The following NALF1 variants were observed in gnomAD, a reference collection of about 807,000 sequenced individuals.
NALF1 encodes the protein NALCN channel auxiliary factor 1, also known as family with sequence similarity 155 member A.
NALF1 carries 3 observed loss-of-function variants against 48.4 expected under a neutral mutation model. That is an observed-to-expected ratio of 0.06 (90% CI 0.03 to 0.16). NALF1 has a LOEUF of 0.16. Ranked by LOEUF, NALF1 falls within the 10% of genes least tolerant of loss-of-function variation. The probability of loss-of-function intolerance (pLI) is 1.00; values close to 1 mark genes in which losing one functional copy is unlikely to be tolerated. For missense variants in NALF1, 526 were observed against 571.5 expected (o/e 0.92, Z 0.81); for synonymous variants, 262 against 245.7 (o/e 1.07, Z -0.62).
At chr13:107,508,741 A>G (rs1429984134) in intron 1 of NALF1, among the ~76,000 whole-genome samples, 1 of 152,120 alleles carries the variant, frequency 6.6e-6, no homozygotes, top group Non-Finnish European at 1.5e-5. Flanking sequence ...GCAACTACGC[A>G]CACGCCCCCA....
intron 1 of NALF1, among the ~76,000 whole-genome samples, chr13:107,268,060 C>T (rs1881079399): frequency 6.8e-6 from 1 of 146,392 alleles, no homozygotes; most frequent in African/African-American, 2.5e-5. Context: ...GATCTCGGCT[C>T]ACTGCAACCT....
chr13:107,488,765 T>G (rs1885369640), intron 1 of NALF1, among the ~76,000 whole-genome samples: 2 of 152,114 alleles, frequency 1.3e-5, no homozygotes, highest in Admixed American at 6.6e-5. Context: ...TACTGGAAGT[T>G]CTGGCCAGGG....
At chr13:107,383,398 G>A (rs373181288) in intron 1 of NALF1, among the ~76,000 whole-genome samples, 7 of 152,024 alleles carry the variant, frequency 4.6e-5, no homozygotes, top group Admixed American at 1.3e-4. Flanking sequence ...TTTTGGTGGC[G>A]TTCTCCTGAC....
At chr13:107,722,132 A>T (rs1018475678) in intron 1 of NALF1, among the ~76,000 whole-genome samples, 1 of 152,178 alleles carries the variant, frequency 6.6e-6, no homozygotes, top group Non-Finnish European at 1.5e-5. Context: ...GAGCAGGTTA[A>T]AAGTTCGGTA....
chr13:107,372,746 T>G (rs1238838603), intron 1 of NALF1, among the ~76,000 whole-genome samples: 1 of 152,190 alleles, frequency 6.6e-6, no homozygotes, highest in African/African-American at 2.4e-5. Context: ...ACCAATCTGT[T>G]ATCAAACATG....
intron 1 of NALF1, among the ~76,000 whole-genome samples, chr13:107,812,534 G>C (rs1232690681): frequency 6.6e-6 from 1 of 151,994 alleles, no homozygotes; most frequent in African/African-American, 2.4e-5. Context: ...TACAAAGTTT[G>C]TATCATAATA....
At chr13:107,366,564 T>C (rs1883155285) in intron 1 of NALF1, among the ~76,000 whole-genome samples, 1 of 152,190 alleles carries the variant, frequency 6.6e-6, no homozygotes, top group South Asian at 2.1e-4. Flanking sequence ...TTTTATTCCT[T>C]CCATGACACA....
At position 107,536,643 on chromosome 13, in the gene NALF1, G is replaced by A. The variant is rs111323877; in HGVS notation, c.916-325888C>T. Among the ~76,000 whole-genome samples, 706 of 152,086 alleles carry A rather than the reference G, an allele frequency of 4.6e-3. 7 individuals carry two copies. The highest frequency in any genetic ancestry group is 0.016 in the African/African-American group (676 of 41,512). Reference sequence around the variant, plus strand: ...TACACTGTTGGTGGGACTGTAAACTGGTTCAACCATTGTGGAAGTCAGTGT... The same window carrying A: ...TACACTGTTGGTGGGACTGTAAACTAGTTCAACCATTGTGGAAGTCAGTGT... On this transcript the variant is annotated intron_variant, in intron 1 of 2. Transcript: ENST00000375915.
At chr13:107,269,545 T>C (rs538512135) in intron 1 of NALF1, among the ~76,000 whole-genome samples, 1 of 152,226 alleles carries the variant, frequency 6.6e-6, no homozygotes, top group Non-Finnish European at 1.5e-5. Context: ...TATTTCTGTA[T>C]GTGAATTTCT....
chr13:107,534,538 G>C (rs1422800092), intron 1 of NALF1, among the ~76,000 whole-genome samples: 1 of 152,108 alleles, frequency 6.6e-6, no homozygotes, highest in African/African-American at 2.4e-5. Flanking sequence ...GTAAATGTGT[G>C]ACACAGTGGT....
At position 107,449,727 on chromosome 13, in the gene NALF1, G is replaced by C. The variant is rs371177329; in HGVS notation, c.916-238972C>G. ...AGCAAAGTTGCATTAAATAATAATA[G>C]CCAATTTTCGCACGGCACTTAGTAT... On this transcript the variant is annotated intron_variant, in intron 1 of 2. Coordinates refer to ENST00000375915, the MANE Select transcript of NALF1 (RefSeq NM_001080396.3). Among the ~76,000 whole-genome samples, 6 of 152,260 alleles carry C rather than the reference G, an allele frequency of 3.9e-5. No homozygotes were observed. The East Asian group carries it at 7.7e-4, about 20-fold the overall frequency.
intron 1 of NALF1, among the ~76,000 whole-genome samples, chr13:107,249,615 G>C (rs1427400666): frequency 6.7e-6 from 1 of 149,584 alleles, no homozygotes; most frequent in Non-Finnish European, 1.5e-5. Flanking sequence ...TACAGATGTA[G>C]AGAGATGGCC....
chr13:107,173,862 G>A (rs182675421), intron 2 of NALF1, among the ~76,000 whole-genome samples: 4 of 152,222 alleles, frequency 2.6e-5, no homozygotes, highest in South Asian at 4.2e-4. Flanking sequence ...TTGGCTGTTG[G>A]ACCTTCAGAA....
At chr13:107,861,121 AGTT>A (rs1428942618) in intron 1 of NALF1, among the ~76,000 whole-genome samples, 4 of 152,212 alleles carry the variant, frequency 2.6e-5, no homozygotes, top group African/African-American at 9.6e-5. Context: ...ATAAATCAAT[AGTT>A]GTACATGGAG....
intron 1 of NALF1, among the ~76,000 whole-genome samples, chr13:107,647,163 T>C (rs937386191): frequency 6.6e-6 from 1 of 151,948 alleles, no homozygotes; most frequent in African/African-American, 2.4e-5. Context: ...TATAATAATA[T>C]GAGCAATCAC....
At chr13:107,391,444 T>G (rs1233837529) in intron 1 of NALF1, among the ~76,000 whole-genome samples, 4 of 152,208 alleles carry the variant, frequency 2.6e-5, no homozygotes, top group African/African-American at 4.8e-5. Flanking sequence ...GAAATTGTCC[T>G]GCAAAGTCCC....
At chr13:107,380,033 C>T (rs1883403563) in intron 1 of NALF1, among the ~76,000 whole-genome samples, 2 of 152,154 alleles carry the variant, frequency 1.3e-5, no homozygotes, top group Admixed American at 6.5e-5. Flanking sequence ...GAAAGTTCTA[C>T]ACAAGCCAAG....
At chr13:107,291,087 G>T (rs1881611839) in intron 1 of NALF1, among the ~76,000 whole-genome samples, 1 of 150,750 alleles carries the variant, frequency 6.6e-6, no homozygotes, top group Non-Finnish European at 1.5e-5. Context: ...TCCTTAGGCA[G>T]ATTATCTAGT....
chr13:107,184,949 A>T (rs1879141153), intron 2 of NALF1, among the ~76,000 whole-genome samples: 1 of 152,218 alleles, frequency 6.6e-6, no homozygotes. Context: ...CCAAGTAAGA[A>T]TGAGGTCATT....
Sources: allele counts gnomAD v4.1 joint callset (sites outside exome capture counted in the v4.1 genomes callset), GRCh38; gene constraint gnomAD v4.1.1; transcripts MANE v1.5; gene names NCBI Gene and HGNC (gene_info 2026-07-23, HGNC 2026-07-21).